Variants in IL23R observed in about 807,000 individuals in gnomAD.
The protein encoded by IL23R is interleukin 23 receptor, also known as interleukin-23 receptor.
A neutral mutation model predicts 56.9 loss-of-function variants in IL23R; 34 were observed. The observed-to-expected ratio is 0.60, with a 90% CI of 0.45 to 0.80. The LOEUF is 0.80. Ranked by LOEUF, IL23R falls within the 30% of genes least tolerant of loss-of-function variation. IL23R has a pLI of 0.00. For synonymous variants in IL23R, 230 were observed against 249.2 expected (o/e 0.92, Z 0.73); for missense variants, 635 against 730.0 (o/e 0.87, Z 1.50).
chr1:67,263,712 A>T (rs2100406417), downstream of IL23R, among the ~76,000 whole-genome samples: 1 of 152,214 alleles, frequency 6.6e-6, no homozygotes. Context: ...GGAGTTTGAG[A>T]CCAGCCTGGC....
intron 7 of IL23R, among the ~76,000 whole-genome samples, chr1:67,232,309 T>C (rs11581483): frequency 0.14 from 21,032 of 152,080 alleles, 1,806 homozygotes; most frequent in Admixed American, 0.27. Flanking sequence ...GTTAGCACAG[T>C]AGGGCTTGTG....
chr1:67,256,863 T>A (rs1245510502), intron 10 of IL23R, among the ~76,000 whole-genome samples: 1 of 152,186 alleles, frequency 6.6e-6, no homozygotes, highest in African/African-American at 2.4e-5. Flanking sequence ...AACAAAGGGT[T>A]TCTAGGCTAA....
At chr1:67,265,463 C>A in the IL23R span, among the ~76,000 whole-genome samples, 1 of 152,126 alleles carries the variant, frequency 6.6e-6, no homozygotes, top group Non-Finnish European at 1.5e-5. Flanking sequence ...TTTAACCTAA[C>A]AATATGTCTC....
chr1:67,178,451 T>C, intron 3 of IL23R, among the ~76,000 whole-genome samples: 1 of 152,216 alleles, frequency 6.6e-6, no homozygotes, highest in Non-Finnish European at 1.5e-5. Flanking sequence ...ATGCTTGTGA[T>C]TTTTGCACAT....
intron 7 of IL23R, among the ~76,000 whole-genome samples, 185 bp downstream of exon 7, chr1:67,219,915 A>C (rs11465802): frequency 0.28 from 42,445 of 151,894 alleles, 7,046 homozygotes; most frequent in East Asian, 0.72. Context: ...GAAAAATAAT[A>C]ATTATTATTA....
rs1202465423 is a variant in IL23R, at chr1:67,169,501, T to C, written c.230T>C (p.Ile77Thr). 1.9e-6 allele frequency: 3 copies of C among 1,614,040 alleles called. No homozygotes were observed. The South Asian group carries it at 3.3e-5, about 18-fold the overall frequency. The change falls in exon 3 of 11, where the codon ATC (isoleucine) becomes ACC (threonine). Residue 77 changes from isoleucine (I) to threonine (T), a missense_variant. Physicochemically the swap from Ile to Thr is moderately conservative, Grantham distance 89. Coordinates refer to ENST00000347310, the MANE Select transcript of IL23R (RefSeq NM_144701.3). ...YKNGIKERFQ[I>T]TRINKTTARL... The stretch of plus-strand genomic sequence containing the variant: ...AATGGCATCAAAGAAAGATTTCAAA[T>C]CACAAGGATTAATAAAACAACAGCT...
rs750715115 is a variant in IL23R at position 67,236,780 on chromosome 1, C to G, written c.1023C>G (p.Ile341Met). ...ATTCTGGGCTAACAGTTGCTTCCAT[C>G]TCTACAGGGCACCTTACTTCTGGTA... The part of the protein sequence containing the change: ...TWNSGLTVAS[I>M]STGHLTSDNR... Residue 341 changes from isoleucine to methionine, a missense_variant, in exon 8 of 11, where the codon ATC becomes ATG. Ile to Met is a conservative substitution (Grantham distance 10). Transcript: ENST00000347310. The G allele has an allele frequency of 4.8e-5, 78 of 1,610,962 alleles. No individual in the cohort carries two copies. The highest frequency in any genetic ancestry group is 1.7e-6 in the Non-Finnish European group (2 of 1,177,260).
chr1:67,197,204 C>T (rs1009984799), intron 4 of IL23R, among the ~76,000 whole-genome samples: 1 of 152,168 alleles, frequency 6.6e-6, no homozygotes, highest in Non-Finnish European at 1.5e-5. Context: ...ACCCAGAAGA[C>T]AGGCTTTGGG....
intron 7 of IL23R, among the ~76,000 whole-genome samples, chr1:67,228,195 C>T (rs1340393520): frequency 1.6e-5 from 2 of 122,706 alleles, no homozygotes; most frequent in Non-Finnish European, 3.5e-5. Context: ...TCCTTCCTTC[C>T]TTCCTCCCTT....
chr1:67,236,052 T>C (rs1035975870), intron 7 of IL23R, among the ~76,000 whole-genome samples: 1 of 152,180 alleles, frequency 6.6e-6, no homozygotes, highest in Non-Finnish European at 1.5e-5. Flanking sequence ...CCAGGACCCC[T>C]TTGAGTTCAG....
intron 5 of IL23R, among the ~76,000 whole-genome samples, chr1:67,204,769 A>T (rs1570842513): frequency 7.0e-6 from 1 of 143,764 alleles, no homozygotes; most frequent in African/African-American, 2.6e-5. Flanking sequence ...CTCAATACTG[A>T]TTTTTTTTTT....
chr1:67,207,374 G>C (rs1245294730), intron 6 of IL23R, among the ~76,000 whole-genome samples: 1 of 152,074 alleles, frequency 6.6e-6, no homozygotes, highest in Non-Finnish European at 1.5e-5. Context: ...CCACACTCTA[G>C]TGTGGTCCCC....
At chr1:67,221,668 A>C (rs1026573661) in intron 7 of IL23R, among the ~76,000 whole-genome samples, 15 of 152,206 alleles carry the variant, frequency 9.9e-5, no homozygotes, top group African/African-American at 3.4e-4. Context: ...CTTATACACT[A>C]GATTTAACAT....
chr1:67,198,501 A>T (rs982948702), intron 4 of IL23R, among the ~76,000 whole-genome samples: 1 of 152,174 alleles, frequency 6.6e-6, no homozygotes, highest in Non-Finnish European at 1.5e-5. Context: ...TACTTAGATA[A>T]ATATGCTTTG....
intron 3 of IL23R, among the ~76,000 whole-genome samples, chr1:67,174,439 G>A (rs1045441334): frequency 6.6e-6 from 1 of 151,606 alleles, no homozygotes; most frequent in African/African-American, 2.4e-5. Context: ...AATATTTTTG[G>A]TAAGCAATTT....
At chr1:67,199,187 G>A (rs886134675) in intron 4 of IL23R, among the ~76,000 whole-genome samples, 2 of 152,138 alleles carry the variant, frequency 1.3e-5, no homozygotes, top group African/African-American at 4.8e-5. Flanking sequence ...AAGGTCTTCT[G>A]ACAGGCCTGC....
chr1:67,179,385 A>T (rs1057152759), intron 3 of IL23R, among the ~76,000 whole-genome samples: 1 of 151,966 alleles, frequency 6.6e-6, no homozygotes, highest in Admixed American at 6.6e-5. Flanking sequence ...TTTCTTCTAG[A>T]CTTTCTAGTT....
intron 9 of IL23R, among the ~76,000 whole-genome samples, chr1:67,248,627 C>A (rs547180202): frequency 6.6e-6 from 1 of 152,304 alleles, no homozygotes; most frequent in Admixed American, 6.5e-5. Flanking sequence ...TCATCAAACT[C>A]ATTCTCCATC....
chr1:67,259,302 G>A lies in IL23R; in HGVS notation c.*174G>A. 1.5e-6 allele frequency: 1 copy of A among 657,968 alleles called. No homozygotes were observed. Among genetic ancestry groups the A allele is most frequent in the Non-Finnish European group, 2.6e-6 (1 of 377,456 alleles). 40.8% of individuals were successfully genotyped at this position (657,968 alleles called of 1,614,324 possible). ...ATAAATACCTAGGTAGGGGATTGCT[G>A]GGCCATATGATAAGCATATGTTTCA... On this transcript the variant is annotated 3_prime_UTR_variant, in exon 11 of 11. Coordinates refer to ENST00000347310, the MANE Select transcript of IL23R (RefSeq NM_144701.3).
Sources: allele counts gnomAD v4.1 joint callset (sites outside exome capture counted in the v4.1 genomes callset), GRCh38; gene constraint gnomAD v4.1.1; transcripts MANE v1.5; gene names NCBI Gene and HGNC (gene_info 2026-07-23, HGNC 2026-07-21).